GRID2: variants seen among roughly 807,000 people sequenced by gnomAD.
GRID2 encodes the protein glutamate receptor ionotropic, delta-2.
Under a neutral mutation model 114.8 loss-of-function variants are expected in GRID2, and 33 were observed. The ratio of observed to expected loss-of-function variants is 0.29; its 90% CI spans 0.22 to 0.38. The LOEUF is 0.38. GRID2 is among the 10% of genes least tolerant of loss of function. The pLI is 1.00. For missense variants in GRID2, 1,184 were observed against 1,257.7 expected (o/e 0.94, Z 0.89); for synonymous variants, 505 against 449.9 (o/e 1.12, Z -1.55).
At chr4:92,468,909 G>A (rs192462618) in intron 1 of GRID2, among the ~76,000 whole-genome samples, 66 of 152,258 alleles carry the variant, frequency 4.3e-4, no homozygotes, top group Non-Finnish European at 7.5e-4. Context: ...GAGGCCCGAA[G>A]AGAGGTAGTT....
intron 8 of GRID2, among the ~76,000 whole-genome samples, chr4:93,256,294 A>T (rs1344123330): frequency 1.3e-5 from 2 of 152,012 alleles, no homozygotes; most frequent in Non-Finnish European, 2.9e-5. Context: ...TAACAGAAAT[A>T]TATTTTGATT....
intron 2 of GRID2, among the ~76,000 whole-genome samples, chr4:92,895,286 C>T (rs1225170814): frequency 6.6e-6 from 1 of 150,682 alleles, no homozygotes; most frequent in African/African-American, 2.5e-5. Flanking sequence ...CATACCAAAC[C>T]TGTAGCTGGT....
At chr4:93,411,463 A>G (rs988398596) in intron 9 of GRID2, among the ~76,000 whole-genome samples, 1 of 149,280 alleles carries the variant, frequency 6.7e-6, no homozygotes, top group Non-Finnish European at 1.5e-5. Flanking sequence ...GTCTTACTCT[A>G]TCACTCTGTC....
At chr4:92,501,439 G>T (rs565759118) in intron 1 of GRID2, among the ~76,000 whole-genome samples, 1 of 152,164 alleles carries the variant, frequency 6.6e-6, no homozygotes, top group Non-Finnish European at 1.5e-5. Flanking sequence ...ACAAAACAGG[G>T]TTGGCACAGG....
chr4:92,444,294 G>T (rs989962147), intron 1 of GRID2, among the ~76,000 whole-genome samples: 3 of 152,174 alleles, frequency 2.0e-5, no homozygotes, highest in Admixed American at 6.5e-5. Flanking sequence ...GGCTGAGTCC[G>T]TAAAGAGAGT....
At position 92,835,402 on chromosome 4, in the gene GRID2, TA is replaced by T. The variant is rs1383861821; in HGVS notation, c.244+245117del. On this transcript the variant is annotated intron_variant, in intron 2 of 15. Coordinates refer to ENST00000282020, the MANE Select transcript of GRID2 (RefSeq NM_001510.4). The stretch of plus-strand genomic sequence containing the variant: ...CAGTAGGTAGAGAGGCATGTAAGAA[TA>T]TTATAAAAATGTTTATAATTGTTTA... Among the ~76,000 whole-genome samples, 3 of 152,288 alleles carry T rather than the reference TA, an allele frequency of 2.0e-5. No individual in the cohort carries two copies. The East Asian group carries it at 5.8e-4, about 29-fold the overall frequency.
At chr4:93,053,600 A>G (rs1181182935) in intron 2 of GRID2, among the ~76,000 whole-genome samples, 3 of 152,014 alleles carry the variant, frequency 2.0e-5, no homozygotes, top group African/African-American at 7.2e-5. Flanking sequence ...AGAAAAGGTT[A>G]CTTTTTCTTA....
At chr4:93,104,735 C>T (rs574689031) in intron 3 of GRID2, among the ~76,000 whole-genome samples, 1 of 152,276 alleles carries the variant, frequency 6.6e-6, no homozygotes, top group Non-Finnish European at 1.5e-5. Flanking sequence ...GGTTCCAAGT[C>T]TTTGCTATTG....
chr4:93,008,435 C>T (rs1328825812), intron 2 of GRID2, among the ~76,000 whole-genome samples: 1 of 152,060 alleles, frequency 6.6e-6, no homozygotes, highest in African/African-American at 2.4e-5. Flanking sequence ...TAGTTCAAAT[C>T]CCAATCTATA....
At chr4:93,768,082 G>A (rs937461718) in intron 14 of GRID2, among the ~76,000 whole-genome samples, 2 of 152,070 alleles carry the variant, frequency 1.3e-5, no homozygotes, top group Non-Finnish European at 1.5e-5. Flanking sequence ...TGTCTCCTAC[G>A]CAAGGCTGTA....
chr4:92,966,900 A>T (rs1040790058), intron 2 of GRID2, among the ~76,000 whole-genome samples: 8 of 152,056 alleles, frequency 5.3e-5, no homozygotes, highest in African/African-American at 1.9e-4. Flanking sequence ...TATATTAGGT[A>T]TTATCCTAAA....
chr4:93,374,000 T>C (rs1763160286), intron 8 of GRID2, among the ~76,000 whole-genome samples: 1 of 152,184 alleles, frequency 6.6e-6, no homozygotes, highest in African/African-American at 2.4e-5. Flanking sequence ...TCTTAAGTGG[T>C]ACATTGTAGT....
chr4:92,541,585 G>C (rs1725957247), intron 1 of GRID2, among the ~76,000 whole-genome samples: 1 of 151,812 alleles, frequency 6.6e-6, no homozygotes, highest in South Asian at 2.1e-4. Flanking sequence ...TCAAAATGAG[G>C]ATTAATACAT....
At chr4:93,095,691 T>C (rs1055399719) in intron 3 of GRID2, among the ~76,000 whole-genome samples, 3 of 151,972 alleles carry the variant, frequency 2.0e-5, no homozygotes, top group African/African-American at 7.2e-5. Flanking sequence ...GAAATAAATC[T>C]GCAAAATTTT....
chr4:93,808,321 T>C (rs999931380), exon 2 of GRID2: 6 of 152,200 alleles, frequency 3.9e-5, no homozygotes, highest in Admixed American at 1.3e-4. Context: ...TTTGGTGTCA[T>C]TCTTTGCAAA....
At position 92,975,156 on chromosome 4, in the gene GRID2, CAAA is replaced by C. The variant is rs527770693; in HGVS notation, c.245-109820_245-109818del. 1.0e-3 allele frequency among the ~76,000 whole-genome samples: 48 copies of C among 46,676 alleles called. 1 individual carries two copies. Among genetic ancestry groups the C allele is most frequent in the African/African-American group, 3.6e-3 (37 of 10,196 alleles). 30.6% of individuals were successfully genotyped at this position (46,676 alleles called of 152,430 possible). On this transcript the variant is annotated intron_variant, in intron 2 of 15. Coordinates refer to ENST00000282020, the MANE Select transcript of GRID2 (RefSeq NM_001510.4). The stretch of plus-strand genomic sequence containing the variant: ...TGGGCGACAGAGTGAGATTCCGCCT[CAAA>C]AAAAAAAAAAAAAAAAAAGGTGTTG...
chr4:93,065,807 C>G (rs1728242861), intron 2 of GRID2, among the ~76,000 whole-genome samples: 1 of 151,792 alleles, frequency 6.6e-6, no homozygotes, highest in African/African-American at 2.4e-5. Context: ...TCTTTAAGCT[C>G]CTGTTTAGCT....
intron 2 of GRID2, among the ~76,000 whole-genome samples, chr4:92,758,651 T>C (rs575730459): frequency 1.3e-5 from 2 of 152,242 alleles, no homozygotes; most frequent in Admixed American, 1.3e-4. Flanking sequence ...AAAATTAGAA[T>C]AAAAATACTT....
At chr4:93,310,447 C>CT (rs1268874828) in intron 8 of GRID2, among the ~76,000 whole-genome samples, 1 of 152,130 alleles carries the variant, frequency 6.6e-6, no homozygotes, top group Non-Finnish European at 1.5e-5. Flanking sequence ...AGGAGAATCG[C>CT]TTGAACCCGG....
Sources: allele counts gnomAD v4.1 joint callset (sites outside exome capture counted in the v4.1 genomes callset), GRCh38; gene constraint gnomAD v4.1.1; transcripts MANE v1.5; gene names NCBI Gene and HGNC (gene_info 2026-07-23, HGNC 2026-07-21).